Variants in MGST1 observed in about 807,000 individuals in gnomAD.
MGST1 encodes the protein glutathione S-transferase 12.
Under a neutral mutation model 8.9 loss-of-function variants are expected in MGST1, and 5 were observed. The ratio of observed to expected loss-of-function variants is 0.56; its 90% CI spans 0.29 to 1.19. The LOEUF (loss-of-function observed/expected upper bound fraction) is 1.19. Among genes scored for constraint, MGST1 ranks in the 50% most tolerant of loss-of-function variants. The pLI is 0.08. For missense variants in MGST1, 182 were observed against 187.4 expected (o/e 0.97, Z 0.17); for synonymous variants, 54 against 67.8 (o/e 0.80, Z 1.00).
At chr12:16,365,076 A>G (rs1940160813), downstream of MGST1, among the ~76,000 whole-genome samples, 1 of 152,162 alleles carries the variant, frequency 6.6e-6, no homozygotes, top group South Asian at 2.1e-4. Context: ...ATTAAATTTG[A>G]TGAATTTAGT....
At chr12:16,493,881 G>T (rs1941454427) in intron 4 of MGST1, among the ~76,000 whole-genome samples, 1 of 152,070 alleles carries the variant, frequency 6.6e-6, no homozygotes, top group African/African-American at 2.4e-5. Context: ...CTATTTAAAA[G>T]AACTGCTTAA....
chr12:16,368,034 C>T (rs1465502686), downstream of MGST1, among the ~76,000 whole-genome samples: 1 of 150,622 alleles, frequency 6.6e-6, no homozygotes, highest in Non-Finnish European at 1.5e-5. Flanking sequence ...CATGTCTATG[C>T]TGAGTTTAGC....
At chr12:16,483,362 T>G (rs1008572899) in intron 4 of MGST1, among the ~76,000 whole-genome samples, 3 of 151,970 alleles carry the variant, frequency 2.0e-5, no homozygotes, top group Non-Finnish European at 4.4e-5. Flanking sequence ...ATCATAATGT[T>G]AACTCTAAAA....
intron 4 of MGST1, among the ~76,000 whole-genome samples, chr12:16,533,012 A>G: frequency 6.6e-6 from 1 of 152,204 alleles, no homozygotes; most frequent in East Asian, 1.9e-4. Context: ...ATGTGAGCAT[A>G]GCTTGGGACC....
intron 1 of MGST1, among the ~76,000 whole-genome samples, chr12:16,414,030 C>T (rs774209780): frequency 1.1e-4 from 16 of 151,616 alleles, no homozygotes; most frequent in Non-Finnish European, 2.1e-4. Flanking sequence ...ATGATATTTG[C>T]CTGCTAAGAG....
At chr12:16,436,635 G>A (rs1014546767) in intron 1 of MGST1, among the ~76,000 whole-genome samples, 7 of 151,920 alleles carry the variant, frequency 4.6e-5, no homozygotes, top group Non-Finnish European at 1.0e-4. Flanking sequence ...TATTATTAAA[G>A]CTAACATTTA....
At chr12:16,472,683 A>T (rs191822336) in intron 4 of MGST1, among the ~76,000 whole-genome samples, 1 of 152,222 alleles carries the variant, frequency 6.6e-6, no homozygotes, top group Non-Finnish European at 1.5e-5. Flanking sequence ...TTGAGCAATA[A>T]TACAATCATA....
intron 4 of MGST1, among the ~76,000 whole-genome samples, chr12:16,504,299 T>A (rs1011767273): frequency 6.6e-6 from 1 of 150,662 alleles, no homozygotes; most frequent in Non-Finnish European, 1.5e-5. Flanking sequence ...CTCTTGAAAA[T>A]CACAAAAGGA....
chr12:16,487,733 A>C (rs1252881341), intron 4 of MGST1, among the ~76,000 whole-genome samples: 1 of 152,124 alleles, frequency 6.6e-6, no homozygotes, highest in Non-Finnish European at 1.5e-5. Flanking sequence ...CTGCAGCCTC[A>C]AACTCCTGGG....
rs202220383 is a variant in MGST1, at chr12:16,515,647, GA to G, written n.483-73871del. Among the ~76,000 whole-genome samples, 1,631 of 131,098 alleles carry G rather than the reference GA, an allele frequency of 0.012. 58 individuals carry two copies. The East Asian group carries it at 0.15, about 12-fold the overall frequency. 86.0% of individuals were successfully genotyped at this position (131,098 alleles called of 152,430 possible). On this transcript the variant is annotated intron_variant and non_coding_transcript_variant, in intron 4 of 4. Transcript: ENST00000538857. ...CTCTATCTCAGAAAAAAAAAAAAAA[GA>G]AAAAAAAAAGAATAAAGAATGTAAT...
chr12:16,543,697 A>G (rs147288401), intron 4 of MGST1, among the ~76,000 whole-genome samples: 76 of 152,190 alleles, frequency 5.0e-4, no homozygotes, highest in African/African-American at 1.6e-3. Context: ...TTACTAATAT[A>G]AAGCTAAGTA....
intron 1 of MGST1, among the ~76,000 whole-genome samples, chr12:16,390,303 C>A (rs562744725): frequency 6.6e-6 from 1 of 151,966 alleles, no homozygotes; most frequent in African/African-American, 2.4e-5. Context: ...TAGAAAAAAA[C>A]AGTATTTGTT....
chr12:16,453,237 C>T (rs1475983563), intron 4 of MGST1, among the ~76,000 whole-genome samples: 1 of 151,868 alleles, frequency 6.6e-6, no homozygotes, highest in African/African-American at 2.4e-5. Flanking sequence ...ATAGCAACGT[C>T]CTTTTAGACT....
rs753237093 is a variant in MGST1, at chr12:16,357,563, G to A, written c.127-42G>A. ...TTACAGGTGTGAGCTATTGCTCCTGGCCAGTATTTGAAATAAGTTTTTTTT... is the reference window on the plus strand; with the variant it reads ...TTACAGGTGTGAGCTATTGCTCCTGACCAGTATTTGAAATAAGTTTTTTTT... On this transcript the variant is annotated intron_variant, in intron 2 of 3. Transcript: ENST00000396210. 3.4e-6 allele frequency: 5 copies of A among 1,483,148 alleles called. No homozygotes were observed. The East Asian group carries it at 1.1e-4, about 34-fold the overall frequency. 91.9% of individuals were successfully genotyped at this position (1,483,148 alleles called of 1,614,324 possible).
chr12:16,363,838 A>G lies in MGST1; in HGVS notation c.265A>G (p.Ile89Val). 1.2e-6 allele frequency: 2 copies of G among 1,611,708 alleles called. No individual in the cohort carries two copies. The highest frequency in any genetic ancestry group is 1.7e-6 in the Non-Finnish European group (2 of 1,178,164). The change falls in exon 4 of 4, where the codon ATT becomes GTT. Residue 89 changes from isoleucine to valine, a missense_variant. By Grantham distance (29) the Ile-to-Val change is conservative. Coordinates refer to ENST00000396210, the MANE Select transcript of MGST1 (RefSeq NM_020300.5). The surrounding 1 kb of genome is among the most constrained non-coding windows in gnomAD (Gnocchi z 4.6). ...TGAAAATATTATTCCATTTCTTGGA[A>G]TTGGCCTCCTGTATTCCTTGAGTGG... The part of the protein sequence containing the change: ...DLENIIPFLG[I>V]GLLYSLSGPD...
At chr12:16,476,856 AG>A (rs528221369) in intron 4 of MGST1, among the ~76,000 whole-genome samples, 28 of 152,316 alleles carry the variant, frequency 1.8e-4, no homozygotes, top group African/African-American at 6.5e-4. Context: ...GAGAAAGAAG[AG>A]GATTTCTGTA....
intron 4 of MGST1, among the ~76,000 whole-genome samples, chr12:16,523,951 T>C (rs1941665327): frequency 6.6e-6 from 1 of 152,112 alleles, no homozygotes; most frequent in East Asian, 1.9e-4. Flanking sequence ...ATCGGTTTCA[T>C]GCCCTTACAG....
intron 4 of MGST1, among the ~76,000 whole-genome samples, chr12:16,527,462 A>T (rs1941694571): frequency 6.6e-6 from 1 of 152,064 alleles, no homozygotes; most frequent in South Asian, 2.1e-4. Context: ...GAATAAGGCT[A>T]ATAAATCACA....
At chr12:16,472,270 A>G (rs972688885) in intron 4 of MGST1, among the ~76,000 whole-genome samples, 2 of 152,206 alleles carry the variant, frequency 1.3e-5, no homozygotes, top group Admixed American at 6.5e-5. Context: ...ACCAGAAAAA[A>G]AACAAATCTT....
Sources: allele counts gnomAD v4.1 joint callset (sites outside exome capture counted in the v4.1 genomes callset), GRCh38; gene constraint gnomAD v4.1.1; non-coding constraint Gnocchi (gnomAD v3.1); transcripts MANE v1.5; gene names NCBI Gene and HGNC (gene_info 2026-07-23, HGNC 2026-07-21).